The following MBOAT2 variants were observed in gnomAD, a reference collection of about 807,000 sequenced individuals.
MBOAT2 encodes the protein membrane-bound glycerophospholipid O-acyltransferase 2.
MBOAT2 carries 28 observed loss-of-function variants against 63.4 expected under a neutral mutation model. The ratio of observed to expected loss-of-function variants is 0.44; its 90% CI spans 0.33 to 0.61. MBOAT2 has a LOEUF of 0.61. Ranked by LOEUF, MBOAT2 falls within the 20% of genes least tolerant of loss-of-function variation. The pLI is 0.03. For missense variants in MBOAT2, 470 were observed against 605.8 expected (o/e 0.78, Z 2.35); for synonymous variants, 211 against 215.6 (o/e 0.98, Z 0.19).
rs182990654 is a variant in MBOAT2, at chr2:8,992,171, T to C, written c.75+11369A>G. Among the ~76,000 whole-genome samples the C allele has an allele frequency of 2.2e-4, 34 of 152,380 alleles. 1 individual carries two copies. Among genetic ancestry groups the C allele is most frequent in the Non-Finnish European group, 2.9e-5 (2 of 68,036 alleles). On this transcript the variant is annotated intron_variant, in intron 1 of 12. Transcript: ENST00000305997. ...TTTCTAGACCTTTATTGCAGGTCTTTACATCTATCTTGAAATTTAATATTG... is the reference window on the plus strand; with the variant it reads ...TTTCTAGACCTTTATTGCAGGTCTTCACATCTATCTTGAAATTTAATATTG...
In MBOAT2 at chr2:8,971,060, G is replaced by C. The variant is rs542620578; in HGVS notation, c.76-12418C>G. Among the ~76,000 whole-genome samples, 32 of 152,046 alleles carry C rather than the reference G, an allele frequency of 2.1e-4. No individual in the cohort carries two copies. The South Asian group carries it at 6.4e-3, about 31-fold the overall frequency. Reference sequence around the variant, plus strand: ...ATACCAAAGCCTGGCAGAGACACAAGAAAAAAAGAGACTTTTAGACCAATA... The same window carrying C: ...ATACCAAAGCCTGGCAGAGACACAACAAAAAAAGAGACTTTTAGACCAATA... On this transcript the variant is annotated intron_variant, in intron 1 of 12. Coordinates refer to ENST00000305997, the MANE Select transcript of MBOAT2 (RefSeq NM_138799.4).
At chr2:8,887,462 G>T (rs899150037) in intron 5 of MBOAT2, among the ~76,000 whole-genome samples, 1 of 152,128 alleles carries the variant, frequency 6.6e-6, no homozygotes, top group African/African-American at 2.4e-5. Flanking sequence ...CAAAAGCTCC[G>T]CAGGCTACAT....
intron 9 of MBOAT2, among the ~76,000 whole-genome samples, chr2:8,867,117 C>T (rs762624852): frequency 1.3e-4 from 20 of 152,178 alleles, no homozygotes; most frequent in African/African-American, 4.6e-4. Flanking sequence ...GCAAGTGGCA[C>T]GATCACGGCT....
At position 8,858,665 on chromosome 2, in the gene MBOAT2, C is replaced by T; in HGVS notation, c.*14G>A. ...AACATCAAAAAAAAAAAACAGCCCT[C>T]AGAGCCTTCCCGATCACTGCTTTAG... On this transcript the variant is annotated 3_prime_UTR_variant, in exon 13 of 13. Coordinates refer to ENST00000305997, the MANE Select transcript of MBOAT2 (RefSeq NM_138799.4). 6.4e-7 allele frequency: 1 copy of T among 1,573,930 alleles called. No homozygotes were observed. The highest frequency in any genetic ancestry group is 8.7e-7 in the Non-Finnish European group (1 of 1,155,344).
At chr2:8,945,837 G>C (rs1170774265) in intron 2 of MBOAT2, among the ~76,000 whole-genome samples, 7 of 151,610 alleles carry the variant, frequency 4.6e-5, no homozygotes, top group Non-Finnish European at 1.0e-4. Flanking sequence ...AAAAAAAAAA[G>C]AGCACAGGTT....
At chr2:8,952,179 C>T (rs1002872380) in intron 2 of MBOAT2, among the ~76,000 whole-genome samples, 4 of 152,054 alleles carry the variant, frequency 2.6e-5, no homozygotes, top group Non-Finnish European at 4.4e-5. Flanking sequence ...ATTGTTTATC[C>T]GAAGCAATTC....
At chr2:8,954,185 T>C (rs1008073962) in intron 2 of MBOAT2, among the ~76,000 whole-genome samples, 1 of 152,204 alleles carries the variant, frequency 6.6e-6, no homozygotes, top group African/African-American at 2.4e-5. Flanking sequence ...TTTGCTTCTA[T>C]AGCCCTATAC....
At chr2:8,893,188 T>C (rs1012647303) in intron 4 of MBOAT2, among the ~76,000 whole-genome samples, 12 of 151,804 alleles carry the variant, frequency 7.9e-5, no homozygotes, top group African/African-American at 2.9e-4. Context: ...AGATCTATTC[T>C]GAAAGGAAAG....
chr2:8,910,907 G>T lies in MBOAT2; in HGVS notation c.300-2191C>A, dbSNP rs1225840743. 3.3e-5 allele frequency among the ~76,000 whole-genome samples: 5 copies of T among 152,192 alleles called. No individual in the cohort carries two copies. In the East Asian group the frequency reaches 9.6e-4, roughly 29 times the overall value. ...GGAAAGCTATTCAAATGTAAAACCT[G>T]GCAATTTCTTATGAAAAAGAACGAC... On this transcript the variant is annotated intron_variant, in intron 3 of 12. Transcript: ENST00000305997.
At chr2:8,875,680 C>T (rs1281162316) in intron 7 of MBOAT2, among the ~76,000 whole-genome samples, 2 of 152,134 alleles carry the variant, frequency 1.3e-5, no homozygotes, top group African/African-American at 4.8e-5. Flanking sequence ...CCCGAATAAA[C>T]TTCTAAGAAG....
At position 8,902,332 on chromosome 2, in the gene MBOAT2, C is replaced by T. The variant is rs114216258; in HGVS notation, c.395+6289G>A. 6.8e-3 allele frequency among the ~76,000 whole-genome samples: 1,036 copies of T among 152,292 alleles called. 11 individuals carry two copies. Among genetic ancestry groups the T allele is most frequent in the African/African-American group, 0.023 (974 of 41,566 alleles). On this transcript the variant is annotated intron_variant, in intron 4 of 12. Coordinates refer to ENST00000305997, the MANE Select transcript of MBOAT2 (RefSeq NM_138799.4). ...ACCACTTGGCGATAATCAGTGGTCC[C>T]TTTGTGGTCACCAAAATGTGTCTGG...
At chr2:8,869,611 T>A (rs1186965469) in intron 8 of MBOAT2, among the ~76,000 whole-genome samples, 1 of 152,218 alleles carries the variant, frequency 6.6e-6, no homozygotes, top group Non-Finnish European at 1.5e-5. Context: ...AACAAAATCC[T>A]TTAAAAATTA....
At chr2:8,904,480 T>C (rs1008908349) in intron 4 of MBOAT2, among the ~76,000 whole-genome samples, 1 of 151,928 alleles carries the variant, frequency 6.6e-6, no homozygotes, top group African/African-American at 2.4e-5. Context: ...CCAGCTAATT[T>C]TTAAATTTTT....
At chr2:8,884,627 A>G (rs146247633) in intron 5 of MBOAT2, among the ~76,000 whole-genome samples, 84 of 152,338 alleles carry the variant, frequency 5.5e-4, no homozygotes, top group African/African-American at 2.0e-3. Context: ...TTTGCCATAC[A>G]TAAACTATGT....
chr2:8,976,714 T>C (rs1360008443), intron 1 of MBOAT2, among the ~76,000 whole-genome samples: 2 of 152,090 alleles, frequency 1.3e-5, no homozygotes, highest in African/African-American at 2.4e-5. Context: ...CATCGACACG[T>C]TTAATCTCTT....
At chr2:8,950,423 GTTTT>G (rs1225468119) in intron 2 of MBOAT2, among the ~76,000 whole-genome samples, 2 of 151,970 alleles carry the variant, frequency 1.3e-5, no homozygotes, top group South Asian at 2.1e-4. Context: ...CTTCCAGTTT[GTTTT>G]TTGTTTGTTT....
In MBOAT2 at chr2:8,868,523, A is replaced by G; in HGVS notation, c.910T>C (p.Phe304Leu). The G allele has an allele frequency of 6.2e-7, 1 of 1,613,984 alleles. No homozygotes were observed. Among genetic ancestry groups the G allele is most frequent in the African/African-American group, 1.3e-5 (1 of 75,054 alleles). Residue 304 changes from phenylalanine to leucine, a missense_variant, in exon 9 of 13, where the codon TTT (phenylalanine) becomes CTT (leucine). Phe to Leu is a conservative substitution (Grantham distance 22). This residue lies in a region of MBOAT2 where 376 missense variants were observed against 503.8 expected (regional missense o/e 0.75). Transcript: ENST00000305997. ...LADAINNAAG[F>L]GFRGYDENGA... ...TTTTCGTCATACCCTCTGAAACCAA[A>G]GCCTGCAGCATTATTAATGGCATCA... is the stretch of plus-strand genomic sequence containing the variant.
At chr2:8,921,434 GTATTA>G (rs992654872) in intron 3 of MBOAT2, among the ~76,000 whole-genome samples, 6 of 152,022 alleles carry the variant, frequency 3.9e-5, no homozygotes, top group African/African-American at 1.4e-4. Context: ...AAATAATACA[GTATTA>G]TAATTATTGC....
rs1479486249 is a variant in MBOAT2 at position 8,854,341 on chromosome 2, A to T, written c.*4338T>A. On this transcript the variant is annotated 3_prime_UTR_variant, in exon 13 of 13. Coordinates refer to ENST00000305997, the MANE Select transcript of MBOAT2 (RefSeq NM_138799.4). Reference sequence around the variant, plus strand: ...AAGATGAGTGTATCAACGACCAGCCACTCATTAAATGCACACTGGGTTAAA... The same window carrying T: ...AAGATGAGTGTATCAACGACCAGCCTCTCATTAAATGCACACTGGGTTAAA... The T allele has an allele frequency of 6.6e-6, 1 of 152,218 alleles. No homozygotes were observed. The highest frequency in any genetic ancestry group is 2.4e-5 in the African/African-American group (1 of 41,454). The allele number at this position is 152,218 out of a possible 1,614,324, so 9.4% of individuals were successfully genotyped here.
Sources: gnomAD v4.1 joint callset for allele counts (sites outside exome capture counted in the v4.1 genomes callset) on GRCh38, gnomAD v4.1.1 for gene constraint, gnomAD v4.1.1 regional missense constraint, MANE v1.5 for transcripts, NCBI Gene and HGNC (gene_info 2026-07-23, HGNC 2026-07-21) for gene names.